Variants in RPIA observed in about 807,000 individuals in gnomAD.
The protein encoded by RPIA is ribose 5-phosphate isomerase A.
A neutral mutation model predicts 37.8 loss-of-function variants in RPIA; 29 were observed. The observed-to-expected ratio is 0.77, with a 90% CI of 0.57 to 1.05. The LOEUF (loss-of-function observed/expected upper bound fraction) is 1.05, where lower values mean the gene tolerates loss of function less well. Ranked by LOEUF, RPIA falls within the 50% of genes least tolerant of loss-of-function variation. The pLI is 0.00. For synonymous variants in RPIA, 167 were observed against 157.0 expected (o/e 1.06, Z -0.48); for missense variants, 385 against 413.6 (o/e 0.93, Z 0.60).
chr2:88,713,118 A>ATTTT lies in RPIA; in HGVS notation c.402+13055_402+13056insTTTT, dbSNP rs1180342481. 9.4e-3 allele frequency among the ~76,000 whole-genome samples: 425 copies of ATTTT among 45,200 alleles called. 5 individuals carry two copies. Among genetic ancestry groups the ATTTT allele is most frequent in the African/African-American group, 0.043 (411 of 9,550 alleles). 29.7% of individuals were successfully genotyped at this position (45,200 alleles called of 152,430 possible). A position where few individuals can be genotyped will look rare whatever the true frequency, so the allele number is the denominator to read the frequency against. ...TGTCTGAATATATATATATATATAT[A>ATTTT]TATTTTTTTTTTTTTTTTCAAGCTA... On this transcript the variant is annotated intron_variant, in intron 3 of 8. Coordinates refer to ENST00000283646, the MANE Select transcript of RPIA (RefSeq NM_144563.3).
chr2:88,736,601 C>G lies in RPIA; in HGVS notation c.663C>G (p.Ala221=), dbSNP rs961702522. Residue 221 remains alanine (A), a synonymous_variant, in exon 7 of 9, where the codon GCC becomes GCG. Coordinates refer to ENST00000283646, the MANE Select transcript of RPIA (RefSeq NM_144563.3). Reference sequence around the variant, plus strand: ...TCCCCATCGAGGTCATCCCAATGGCCTATGTCCCAGTGAGCCGAGCTGTGA... The same window carrying G: ...TCCCCATCGAGGTCATCCCAATGGCGTATGTCCCAGTGAGCCGAGCTGTGA... The part of the protein sequence containing the change: ...KGIPIEVIPM[A]YVPVSRAVSQ... The G allele has an allele frequency of 5.6e-6, 9 of 1,614,006 alleles. No individual in the cohort carries two copies. Among genetic ancestry groups the G allele is most frequent in the Admixed American group, 1.7e-5 (1 of 60,010 alleles).
Position 88,706,196 on chromosome 2 carries a change from A to G in RPIA, c.402+6132A>G, listed in dbSNP as rs116722298. 4.1e-3 allele frequency among the ~76,000 whole-genome samples: 632 copies of G among 152,308 alleles called. 5 individuals are homozygous for G. Among genetic ancestry groups the G allele is most frequent in the African/African-American group, 0.014 (597 of 41,554 alleles). ...AAATATCATTTGACTCAGCAATCCC[A>G]TTGCTGAGTATATACCCAAAAGAAT... On this transcript the variant is annotated intron_variant, in intron 3 of 8. Transcript: ENST00000283646.
At chr2:88,716,835 G>T (rs1391662851) in intron 3 of RPIA, among the ~76,000 whole-genome samples, 3 of 152,186 alleles carry the variant, frequency 2.0e-5, no homozygotes, top group African/African-American at 7.2e-5. Context: ...ACTGACAAAA[G>T]GCATACAAAT....
chr2:88,708,344 C>T (rs1293772640), intron 3 of RPIA, among the ~76,000 whole-genome samples: 1 of 152,098 alleles, frequency 6.6e-6, no homozygotes, highest in Non-Finnish European at 1.5e-5. Context: ...TTTTGCTGCA[C>T]AGCAATTAGT....
At chr2:88,714,381 A>G (rs1673007208) in intron 3 of RPIA, among the ~76,000 whole-genome samples, 1 of 152,136 alleles carries the variant, frequency 6.6e-6, no homozygotes, top group African/African-American at 2.4e-5. Flanking sequence ...CATGTTGGCC[A>G]GGCTGGTCTC....
intron 3 of RPIA, among the ~76,000 whole-genome samples, chr2:88,719,848 A>AT (rs2104108347): frequency 6.6e-6 from 1 of 152,332 alleles, no homozygotes; most frequent in Non-Finnish European, 1.5e-5. Context: ...CCTCAAGATA[A>AT]CCTTGTTAAT....
At chr2:88,741,798 T>C (rs1029541907) in intron 8 of RPIA, among the ~76,000 whole-genome samples, 4 of 152,248 alleles carry the variant, frequency 2.6e-5, no homozygotes, top group Non-Finnish European at 5.9e-5. Context: ...TTGATTTGCA[T>C]TTCCCTGATC....
intron 3 of RPIA, among the ~76,000 whole-genome samples, chr2:88,709,467 C>G (rs184629927): frequency 1.3e-5 from 2 of 152,322 alleles, no homozygotes; most frequent in East Asian, 3.9e-4. Flanking sequence ...ACAAACTGCA[C>G]ATTTAGCATA....
chr2:88,737,886 A>G, intron 7 of RPIA, 91 bp from the exon 8 acceptor site: 4 of 934,874 alleles, frequency 4.3e-6, no homozygotes, highest in South Asian at 4.0e-5. Context: ...GTTAAAATGC[A>G]TACTTGTCTT....
At chr2:88,735,132 G>A (rs779648107) in intron 5 of RPIA, among the ~76,000 whole-genome samples, 2 of 152,186 alleles carry the variant, frequency 1.3e-5, no homozygotes, top group Non-Finnish European at 2.9e-5. Context: ...GAGTGATGCA[G>A]CATTTGTTTA....
chr2:88,713,730 C>G (rs149987979), intron 3 of RPIA, among the ~76,000 whole-genome samples: 6 of 152,104 alleles, frequency 3.9e-5, no homozygotes, highest in Non-Finnish European at 5.9e-5. Context: ...TGGGACCCTT[C>G]TTGTGACTTT....
chr2:88,715,896 T>G (rs184604314), intron 3 of RPIA, among the ~76,000 whole-genome samples: 186 of 152,308 alleles, frequency 1.2e-3, no homozygotes, highest in African/African-American at 4.3e-3. Context: ...AAAATAAATC[T>G]TGGGCCCCCA....
chr2:88,708,533 T>G (rs900418370), intron 3 of RPIA, among the ~76,000 whole-genome samples: 2 of 152,192 alleles, frequency 1.3e-5, no homozygotes, highest in Non-Finnish European at 2.9e-5. Context: ...TTAATTTATT[T>G]TGGGGAAAGA....
At chr2:88,712,181 A>G (rs1273022262) in intron 3 of RPIA, among the ~76,000 whole-genome samples, 1 of 152,214 alleles carries the variant, frequency 6.6e-6, no homozygotes, top group Admixed American at 6.5e-5. Flanking sequence ...TTTTTGGTTT[A>G]CAATGAATAT....
At chr2:88,693,781 C>T (rs1676976421) in intron 1 of RPIA, among the ~76,000 whole-genome samples, 1 of 152,188 alleles carries the variant, frequency 6.6e-6, no homozygotes, top group Non-Finnish European at 1.5e-5. Flanking sequence ...CATTGGAGTT[C>T]CAATATGGTG....
At chr2:88,692,071 C>A in intron 1 of RPIA, 88 bp downstream of exon 1, 1 of 1,480,174 alleles carries the variant, frequency 6.8e-7, no homozygotes, top group South Asian at 1.3e-5. Context: ...CGGGGCGCGC[C>A]TAGCTCCTGG....
chr2:88,734,658 G>A, intron 5 of RPIA, 42 bp downstream of exon 5: 1 of 1,598,576 alleles, frequency 6.3e-7, no homozygotes, highest in South Asian at 1.1e-5. Flanking sequence ...GTATCTGCCA[G>A]TTAATCCTTA....
At chr2:88,694,992 A>AAG (rs1023478967) in intron 1 of RPIA, among the ~76,000 whole-genome samples, 1 of 150,038 alleles carries the variant, frequency 6.7e-6, no homozygotes, top group African/African-American at 2.5e-5. Flanking sequence ...AAAAAAAAAA[A>AAG]AAAGAAAAAG....
chr2:88,725,248 A>G (rs959099247), intron 3 of RPIA, among the ~76,000 whole-genome samples: 2 of 152,104 alleles, frequency 1.3e-5, no homozygotes, highest in Non-Finnish European at 2.9e-5. Context: ...ATGCTCACTG[A>G]GCCAGTAGTG....
Sources: gnomAD v4.1 joint callset for allele counts (sites outside exome capture counted in the v4.1 genomes callset) on GRCh38, gnomAD v4.1.1 for gene constraint, MANE v1.5 for transcripts, NCBI Gene and HGNC (gene_info 2026-07-23, HGNC 2026-07-21) for gene names.